Variants in TSEN54 observed in about 807,000 individuals in gnomAD.
The protein encoded by TSEN54 is tRNA-splicing endonuclease subunit Sen54.
TSEN54 carries 55 observed loss-of-function variants against 61.9 expected under a neutral mutation model. The ratio of observed to expected loss-of-function variants is 0.89; its 90% CI spans 0.72 to 1.11. The LOEUF is 1.11. Among genes scored for constraint, TSEN54 ranks in the 50% most tolerant of loss-of-function variants. The pLI, the probability that TSEN54 is intolerant of heterozygous loss-of-function variation, is 0.00. For missense variants in TSEN54, 760 were observed against 687.7 expected (o/e 1.11, Z -1.18); for synonymous variants, 304 against 288.7 (o/e 1.05, Z -0.54).
In TSEN54 at chr17:75,521,891, G is replaced by A. The variant is rs535814124; in HGVS notation, c.810G>A (p.Pro270=). 1.1e-4 allele frequency: 181 copies of A among 1,609,366 alleles called. 2 individuals are homozygous for A. In the South Asian group the frequency reaches 1.8e-3, roughly 16 times the overall value. ...GGTCCCTGGGCCCCAGCCCTGGCCC[G>A]GCCAGGGAGGGGGTGGGGTGCAGCT... ...LLGSLGPSPG[P]AREGVGCSWE... The change falls in exon 8 of 11, where the codon CCG becomes CCA. Residue 270 remains proline (P), a synonymous_variant. Transcript: ENST00000333213.
At position 75,524,260 on chromosome 17, in the gene TSEN54, A is replaced by C; in HGVS notation, c.1431-2A>C. 1 of 1,614,130 alleles carries C rather than the reference A, an allele frequency of 6.2e-7. No individual in the cohort carries two copies. Among genetic ancestry groups the C allele is most frequent in the Non-Finnish European group, 8.5e-7 (1 of 1,180,016 alleles). ...TCTCACTCTAACCCTTTGTCCCTGC[A>C]GATTTGATGAGCCTGTCCCAGACCT... On this transcript the variant is annotated splice_acceptor_variant, in intron 10 of 10. Transcript: ENST00000333213. LOFTEE classifies it high-confidence loss of function.
chr17:75,518,454 A>G, intron 5 of TSEN54: 1 of 903,304 alleles, frequency 1.1e-6, no homozygotes, highest in Non-Finnish European at 1.3e-6. Flanking sequence ...AAGCCAAAAG[A>G]AGGTCTTTCA....
chr17:75,522,663 G>C lies in TSEN54; in HGVS notation c.1252+330G>C, dbSNP rs1039824752. Reference sequence around the variant, plus strand: ...GAAAAGGAGGTGCCTTCTTGGCCAAGTGAAAGAAAGGCTTGCTGTCTGCTC... The same window carrying C: ...GAAAAGGAGGTGCCTTCTTGGCCAACTGAAAGAAAGGCTTGCTGTCTGCTC... On this transcript the variant is annotated intron_variant, in intron 8 of 10. Coordinates refer to ENST00000333213, the MANE Select transcript of TSEN54 (RefSeq NM_207346.3). 9.9e-5 allele frequency: 70 copies of C among 705,608 alleles called. No homozygotes were observed. In the African/African-American group the frequency reaches 1.2e-3, roughly 12 times the overall value. 43.7% of individuals were successfully genotyped at this position (705,608 alleles called of 1,614,324 possible).
chr17:75,524,552 G>C lies in TSEN54; in HGVS notation c.*140G>C, dbSNP rs1474642128. 4.8e-6 allele frequency: 5 copies of C among 1,048,460 alleles called. No homozygotes were observed. In the East Asian group the frequency reaches 9.7e-5, roughly 20 times the overall value. 64.9% of individuals were successfully genotyped at this position (1,048,460 alleles called of 1,614,324 possible). On this transcript the variant is annotated 3_prime_UTR_variant, in exon 11 of 11. Transcript: ENST00000333213. ...GTCTGGGCCTTGGCCCTGGGTGTCT[G>C]ATACTCACAGAGTGAAACTGTGACC...
In TSEN54 at chr17:75,521,947, C is replaced by CG. The variant is rs1386935097; in HGVS notation, c.869dup (p.Ala291SerfsTer3). 1 of 1,610,230 alleles carries CG rather than the reference C, an allele frequency of 6.2e-7. No homozygotes were observed. Among genetic ancestry groups the CG allele is most frequent in the Admixed American group, 1.7e-5 (1 of 59,736 alleles). ...AGTGGCAGAGCCGAGAACGGAGTCA[C>CG]GGGAGCCGGTAAGCGGCGCTGGAAC... On this transcript the variant is annotated frameshift_variant, in exon 8 of 11. Coordinates refer to ENST00000333213, the MANE Select transcript of TSEN54 (RefSeq NM_207346.3). LOFTEE classifies it high-confidence loss of function.
Position 75,516,747 on chromosome 17 carries a change from G to C in TSEN54, c.58G>C (p.Ala20Pro). ...ACCCCGCGTCCCCTTCTCCCCCAGC[G>C]CCCGGGAGCTCTTCGCCGCCCGCTC... ...VEVPAGRVLS[A>P]RELFAARSRS... The change falls in exon 2 of 11, where the codon GCC (alanine) becomes CCC (proline). Residue 20 changes from alanine to proline, a missense_variant and splice_region_variant. By Grantham distance (27) the Ala-to-Pro change is conservative. Around this residue, in one of 3 missense-constraint regions of TSEN54, gnomAD observed 667 missense variants for 577.8 expected, o/e 1.15. Coordinates refer to ENST00000333213, the MANE Select transcript of TSEN54 (RefSeq NM_207346.3). The C allele has an allele frequency of 6.4e-7, 1 of 1,559,426 alleles. No individual in the cohort carries two copies. Among genetic ancestry groups the C allele is most frequent in the African/African-American group, 1.4e-5 (1 of 70,774 alleles).
chr17:75,517,464 G>C, intron 4 of TSEN54, 93 bp from the exon 5 acceptor site: 1 of 1,243,008 alleles, frequency 8.0e-7, no homozygotes, highest in Non-Finnish European at 1.2e-6. Flanking sequence ...TGCTGAGAGG[G>C]GGAGGGGGAG....
chr17:75,518,682 T>C (rs573980223), intron 5 of TSEN54: 2 of 985,282 alleles, frequency 2.0e-6, no homozygotes. Flanking sequence ...TTCACTCCTA[T>C]GAGCTTTGTA....
At position 75,517,257 on chromosome 17, in the gene TSEN54, C is replaced by T. The variant is rs1314334255; in HGVS notation, c.369+13C>T. 4 of 1,583,594 alleles carry T rather than the reference C, an allele frequency of 2.5e-6. No homozygotes were observed. The highest frequency in any genetic ancestry group is 4.6e-5 in the East Asian group (2 of 43,380). Reference sequence around the variant, plus strand: ...TCTTCTGGAGTGTGTAAGTGGGGCCCGGGAGGTGGGGAAGGAGTTGGGACC... The same window carrying T: ...TCTTCTGGAGTGTGTAAGTGGGGCCTGGGAGGTGGGGAAGGAGTTGGGACC... On this transcript the variant is annotated intron_variant, in intron 4 of 10. Transcript: ENST00000333213.
intron 8 of TSEN54, chr17:75,522,941 G>A (rs900105778): frequency 1.3e-5 from 5 of 373,580 alleles, no homozygotes; most frequent in Non-Finnish European, 2.6e-5. Flanking sequence ...AGCACTTTGG[G>A]AGGCCGAGGC....
chr17:75,517,308 C>T, intron 4 of TSEN54, 64 bp downstream of exon 4: 1 of 1,531,652 alleles, frequency 6.5e-7, no homozygotes, highest in East Asian at 2.4e-5. Flanking sequence ...CACGTTTTAT[C>T]GGAGAAAAAG....
intron 7 of TSEN54, 45 bp downstream of exon 7, chr17:75,521,555 G>C: frequency 6.2e-7 from 1 of 1,601,472 alleles, no homozygotes; most frequent in Admixed American, 1.7e-5. Context: ...GCTGGTGTCT[G>C]GGACCTTGGA....
chr17:75,522,347 C>T lies in TSEN54; in HGVS notation c.1252+14C>T, dbSNP rs1346957123. 15 of 1,544,126 alleles carry T rather than the reference C, an allele frequency of 9.7e-6. No homozygotes were observed. Among genetic ancestry groups the T allele is most frequent in the Non-Finnish European group, 1.3e-5 (15 of 1,146,790 alleles). On this transcript the variant is annotated intron_variant, in intron 8 of 10. Coordinates refer to ENST00000333213, the MANE Select transcript of TSEN54 (RefSeq NM_207346.3). ...CCAGCTCCCCAGGTACCCCCTCAGC[C>T]TGCCACATCTTCGAGGGCCACTGGC...
chr17:75,520,696 C>T (rs187444325), intron 6 of TSEN54, among the ~76,000 whole-genome samples: 1 of 152,186 alleles, frequency 6.6e-6, no homozygotes, highest in East Asian at 1.9e-4. Flanking sequence ...TGGCTCACAC[C>T]TGTAATCCCA....
rs1323377187 is a variant in TSEN54 at position 75,519,083 on chromosome 17, A to T, written c.521+36A>T. 5.6e-6 allele frequency: 9 copies of T among 1,611,880 alleles called. No homozygotes were observed. In the African/African-American group the frequency reaches 1.2e-4, roughly 22 times the overall value. ...TTCCTGTTCCCCTTCCATATATTCTAGTCCTGGGACCTGGCTGACTAGTCT... is the reference window on the plus strand; with the variant it reads ...TTCCTGTTCCCCTTCCATATATTCTTGTCCTGGGACCTGGCTGACTAGTCT... On this transcript the variant is annotated intron_variant, in intron 6 of 10. Coordinates refer to ENST00000333213, the MANE Select transcript of TSEN54 (RefSeq NM_207346.3).
chr17:75,522,923 G>A lies in TSEN54; in HGVS notation c.1253-352G>A, dbSNP rs575502014. Reference sequence around the variant, plus strand: ...AGGCTGGACACGGTGGCTCATACCCGTAATCCCAGCACTTTGGGAGGCCGA... The same window carrying A: ...AGGCTGGACACGGTGGCTCATACCCATAATCCCAGCACTTTGGGAGGCCGA... On this transcript the variant is annotated intron_variant, in intron 8 of 10. Coordinates refer to ENST00000333213, the MANE Select transcript of TSEN54 (RefSeq NM_207346.3). The A allele has an allele frequency of 4.7e-4, 166 of 351,320 alleles. 1 individual carries two copies. Among genetic ancestry groups the A allele is most frequent in the African/African-American group, 2.8e-3 (130 of 47,218 alleles). The allele number at this position is 351,320 out of a possible 1,614,324, so 21.8% of individuals were successfully genotyped here.
rs762922379 is a variant in TSEN54 at position 75,517,555 on chromosome 17, A to G, written c.370-2A>G. 9.3e-6 allele frequency: 15 copies of G among 1,613,544 alleles called. No individual in the cohort carries two copies. Among genetic ancestry groups the G allele is most frequent in the South Asian group, 4.4e-5 (4 of 91,076 alleles). On this transcript the variant is annotated splice_acceptor_variant, in intron 4 of 10. Coordinates refer to ENST00000333213, the MANE Select transcript of TSEN54 (RefSeq NM_207346.3). LOFTEE classifies it high-confidence loss of function. ...AAGCTGAGCTGTTGGCCCCACTTCCAGGGCTCCATCCACCTCTTCCACCAA... is the reference window on the plus strand; with the variant it reads ...AAGCTGAGCTGTTGGCCCCACTTCCGGGGCTCCATCCACCTCTTCCACCAA...
chr17:75,524,513 A>G lies in TSEN54; in HGVS notation c.*101A>G. 1 of 1,463,198 alleles carries G rather than the reference A, an allele frequency of 6.8e-7. No homozygotes were observed. The highest frequency in any genetic ancestry group is 9.5e-7 in the Non-Finnish European group (1 of 1,053,612). The allele number at this position is 1,463,198 out of a possible 1,614,324, so 90.6% of individuals were successfully genotyped here. On this transcript the variant is annotated 3_prime_UTR_variant, in exon 11 of 11. Transcript: ENST00000333213. Reference sequence around the variant, plus strand: ...CTCCTGTACCCAGACTCTAACCTGTAGCTTCAGAGGCCAGTCTGGGCCTTG... The same window carrying G: ...CTCCTGTACCCAGACTCTAACCTGTGGCTTCAGAGGCCAGTCTGGGCCTTG...
chr17:75,522,438 G>C (rs1408477731), intron 8 of TSEN54, 105 bp downstream of exon 8: 1 of 1,524,152 alleles, frequency 6.6e-7, no homozygotes, highest in Non-Finnish European at 8.8e-7. Context: ...GCTTAAGGAA[G>C]ATGTGGGAGG....
Sources: allele counts gnomAD v4.1 joint callset (sites outside exome capture counted in the v4.1 genomes callset), GRCh38; gene constraint gnomAD v4.1.1; regional missense constraint gnomAD v4.1.1; transcripts MANE v1.5; gene names NCBI Gene and HGNC (gene_info 2026-07-23, HGNC 2026-07-21).